ADCY9: variants seen among roughly 807,000 people sequenced by gnomAD.
ADCY9 encodes the protein adenylate cyclase 9, also known as adenylate cyclase type 9.
A neutral mutation model predicts 101.5 loss-of-function variants in ADCY9; 50 were observed. The observed-to-expected ratio is 0.49, with a 90% CI of 0.39 to 0.62. The LOEUF is 0.62. Among genes scored for constraint, ADCY9 ranks in the 20% least tolerant of loss-of-function variants. The pLI, the probability that ADCY9 is intolerant of heterozygous loss-of-function variation, is 0.00. For synonymous variants in ADCY9, 905 were observed against 769.3 expected (o/e 1.18, Z -2.92); for missense variants, 1,662 against 1,800.4 (o/e 0.92, Z 1.39).
At chr16:4,029,660 T>G (rs1479042977) in intron 2 of ADCY9, among the ~76,000 whole-genome samples, 1 of 152,094 alleles carries the variant, frequency 6.6e-6, no homozygotes, top group Non-Finnish European at 1.5e-5. Flanking sequence ...GGCAAAAGAA[T>G]GTTGAACCCG....
At chr16:3,989,620 T>C (rs897729585) in intron 5 of ADCY9, among the ~76,000 whole-genome samples, 27 of 152,284 alleles carry the variant, frequency 1.8e-4, no homozygotes, top group African/African-American at 6.5e-4. Context: ...GCTCAAGAGA[T>C]CCACCCATCT....
intron 2 of ADCY9, among the ~76,000 whole-genome samples, chr16:4,044,807 C>A (rs1470681907): frequency 6.6e-6 from 1 of 152,132 alleles, no homozygotes; most frequent in Non-Finnish European, 1.5e-5. Flanking sequence ...AGCTCTGAGG[C>A]CACATCAGCA....
At position 3,982,151 on chromosome 16, in the gene ADCY9, C is replaced by T. The variant is rs143794559; in HGVS notation, c.2519+1081G>A. The T allele has an allele frequency of 2.7e-3, 410 of 152,660 alleles. 3 individuals are homozygous for T. The highest frequency in any genetic ancestry group is 4.8e-3 in the Non-Finnish European group (327 of 68,324). The allele number at this position is 152,660 out of a possible 1,614,324, so 9.5% of individuals were successfully genotyped here. ...AACACTGAGCACACGCCACAGACAG[C>T]ATGGCCCATGGCGGCCTCGGAGGAA... On this transcript the variant is annotated intron_variant, in intron 7 of 10. Coordinates refer to ENST00000294016, the MANE Select transcript of ADCY9 (RefSeq NM_001116.4).
At chr16:4,104,533 G>A (rs926020458) in intron 2 of ADCY9, among the ~76,000 whole-genome samples, 2 of 151,532 alleles carry the variant, frequency 1.3e-5, no homozygotes, top group East Asian at 3.9e-4. Flanking sequence ...GATCACTTGA[G>A]CCCAGGAGGT....
rs746910984 is a variant in ADCY9, at chr16:3,989,062, T to C, written c.2242A>G (p.Asn748Asp). Residue 748 changes from asparagine to aspartate, a missense_variant, in exon 6 of 11, where the codon AAT becomes GAT. Physicochemically the swap from Asn to Asp is conservative, Grantham distance 23. Around this residue, in one of 5 missense-constraint regions of ADCY9, gnomAD observed 624 missense variants for 639.1 expected, o/e 0.98. Coordinates refer to ENST00000294016, the MANE Select transcript of ADCY9 (RefSeq NM_001116.4). ...TCCAGGAAGTTCAGGCTGAACTGATTAATGGGCGGCTTAAAAAAGTAATCT... is the reference window on the plus strand; with the variant it reads ...TCCAGGAAGTTCAGGCTGAACTGATCAATGGGCGGCTTAAAAAAGTAATCT... Reference protein sequence around the residue: ...MKDYFFKPPINQFSLNFLDQE... With the variant: ...MKDYFFKPPIDQFSLNFLDQE... 15 of 1,614,022 alleles carry C rather than the reference T, an allele frequency of 9.3e-6. No individual in the cohort carries two copies. In the Admixed American group the frequency reaches 1.5e-4, roughly 16 times the overall value.
At chr16:4,016,053 T>C (rs1443968930) in intron 2 of ADCY9, among the ~76,000 whole-genome samples, 1 of 152,048 alleles carries the variant, frequency 6.6e-6, no homozygotes, top group African/African-American at 2.4e-5. Flanking sequence ...TTAAATGAGT[T>C]GATTCAGGTA....
rs769546776 is a variant in ADCY9, at chr16:3,966,257, C to T, written c.3580G>A (p.Ala1194Thr). 6 of 1,614,148 alleles carry T rather than the reference C, an allele frequency of 3.7e-6. No homozygotes were observed. Among genetic ancestry groups the T allele is most frequent in the Non-Finnish European group, 5.1e-6 (6 of 1,180,030 alleles). The change falls in exon 11 of 11, where the codon GCC becomes ACC. Residue 1194 changes from alanine to threonine, a missense_variant. Coordinates refer to ENST00000294016, the MANE Select transcript of ADCY9 (RefSeq NM_001116.4). ...YDIWGDTVNIASRMDTTGVEC... is the reference protein window; with the variant it reads ...YDIWGDTVNITSRMDTTGVEC... ...ACGCCGGTGGTGTCCATCCTGCTGG[C>T]GATGTTGACGGTGTCTCCCCAGATG...
intron 2 of ADCY9, among the ~76,000 whole-genome samples, chr16:4,043,217 C>T (rs974372414): frequency 1.3e-5 from 2 of 152,118 alleles, no homozygotes; most frequent in African/African-American, 4.8e-5. Flanking sequence ...GGCGACAGAG[C>T]AAGACTCTGT....
At chr16:3,971,751 G>T (rs556956134) in intron 10 of ADCY9, among the ~76,000 whole-genome samples, 2 of 151,964 alleles carry the variant, frequency 1.3e-5, no homozygotes, top group Non-Finnish European at 2.9e-5. Flanking sequence ...TCCCCTTTAG[G>T]AGCAGGTGTC....
downstream of ADCY9, among the ~76,000 whole-genome samples, chr16:3,957,771 C>T (rs577736523): frequency 1.3e-5 from 2 of 152,146 alleles, no homozygotes; most frequent in African/African-American, 4.8e-5. Flanking sequence ...TCTGTGCCCC[C>T]GGGCGTCCTG....
chr16:4,065,558 T>C (rs1278325446), intron 2 of ADCY9, among the ~76,000 whole-genome samples: 1 of 152,114 alleles, frequency 6.6e-6, no homozygotes, highest in East Asian at 1.9e-4. Context: ...TCGAGGCCCA[T>C]GGCTTTATTT....
intron 2 of ADCY9, among the ~76,000 whole-genome samples, chr16:4,058,327 TG>T (rs1215935898): frequency 3.3e-5 from 5 of 151,760 alleles, no homozygotes; most frequent in Non-Finnish European, 4.4e-5. Context: ...TAGCCAGGCA[TG>T]GTGGCGTGCA....
At chr16:4,044,568 A>G (rs909558006) in intron 2 of ADCY9, among the ~76,000 whole-genome samples, 1 of 152,206 alleles carries the variant, frequency 6.6e-6, no homozygotes, top group African/African-American at 2.4e-5. Context: ...TTTAAAATCT[A>G]GTTACCAGAG....
At chr16:4,111,379 G>A (rs889393740) in intron 2 of ADCY9, among the ~76,000 whole-genome samples, 3 of 152,104 alleles carry the variant, frequency 2.0e-5, no homozygotes, top group Non-Finnish European at 4.4e-5. Flanking sequence ...CTCTTCCCGG[G>A]TTCAAACAAT....
intron 6 of ADCY9, chr16:3,984,286 G>A (rs2056171942): frequency 6.6e-6 from 1 of 152,338 alleles, no homozygotes; most frequent in South Asian, 2.1e-4. Context: ...TGCGAAAGCG[G>A]GGCTTCGTGG....
At chr16:4,109,203 C>G (rs2057098417) in intron 2 of ADCY9, among the ~76,000 whole-genome samples, 1 of 152,014 alleles carries the variant, frequency 6.6e-6, no homozygotes, top group East Asian at 1.9e-4. Flanking sequence ...CTGTTGTCCC[C>G]TCTATTAGAT....
downstream of ADCY9, among the ~76,000 whole-genome samples, chr16:3,959,630 T>C (rs1399724518): frequency 1.3e-5 from 2 of 152,256 alleles, no homozygotes; most frequent in Admixed American, 6.5e-5. Context: ...TTGGAAATAA[T>C]TCAACTAACA....
chr16:4,000,667 A>T (rs1272936742), intron 3 of ADCY9, among the ~76,000 whole-genome samples: 1 of 151,956 alleles, frequency 6.6e-6, no homozygotes, highest in African/African-American at 2.4e-5. Flanking sequence ...TCACACACAC[A>T]ATCTCAGAGC....
chr16:4,041,800 G>C (rs1354248056), intron 2 of ADCY9, among the ~76,000 whole-genome samples: 1 of 148,168 alleles, frequency 6.7e-6, no homozygotes, highest in African/African-American at 2.5e-5. Context: ...TGCCCATGCT[G>C]GAGTACGGTG....
Sources: allele counts gnomAD v4.1 joint callset (sites outside exome capture counted in the v4.1 genomes callset), GRCh38; gene constraint gnomAD v4.1.1; regional missense constraint gnomAD v4.1.1; transcripts MANE v1.5; gene names NCBI Gene and HGNC (gene_info 2026-07-23, HGNC 2026-07-21).